EYS: variants seen among roughly 807,000 people sequenced by gnomAD.
EYS encodes the protein EGF-like photoreceptor maintenance factor, also known as protein eyes shut homolog.
In EYS, 250 loss-of-function variants were observed where a neutral mutation model predicts 282.1. The ratio of observed to expected loss-of-function variants is 0.89; its 90% CI spans 0.80 to 0.98. EYS has a LOEUF of 0.98. Ranked by LOEUF, EYS falls within the 50% of genes least tolerant of loss-of-function variation. EYS has a pLI of 0.00. For missense variants in EYS, 4,016 were observed against 3,709.0 expected, an observed-to-expected ratio of 1.08 and a Z score of -2.15; for synonymous variants, 1,355 against 1,282.9, an observed-to-expected ratio of 1.06 and a Z score of -1.20.
At chr6:65,543,664 A>G (rs9445558) in intron 2 of EYS, among the ~76,000 whole-genome samples, 4,264 of 152,098 alleles carry the variant, frequency 0.028, 194 homozygotes, top group African/African-American at 0.096. Flanking sequence ...ATGATTTAAA[A>G]CCATAGTCAG....
intron 36 of EYS, among the ~76,000 whole-genome samples, chr6:63,848,844 C>G (rs1772168936): frequency 6.6e-6 from 1 of 152,164 alleles, no homozygotes; most frequent in Admixed American, 6.5e-5. Flanking sequence ...ACTGTTCACT[C>G]CTCTGGAAAG....
At chr6:64,688,910 C>A (rs1231244043) in intron 22 of EYS, among the ~76,000 whole-genome samples, 3 of 151,788 alleles carry the variant, frequency 2.0e-5, no homozygotes, top group African/African-American at 7.3e-5. Context: ...AAAACTGGCA[C>A]AAGACAGTGA....
chr6:63,823,667 T>C (rs1348828828), intron 36 of EYS, among the ~76,000 whole-genome samples: 1 of 152,110 alleles, frequency 6.6e-6, no homozygotes, highest in East Asian at 1.9e-4. Context: ...CCAAGTTCTT[T>C]TATACTTTAT....
intron 33 of EYS, among the ~76,000 whole-genome samples, chr6:64,012,954 T>TCTGGGCATTGGAAGGACAATTTG (rs1768713159): frequency 6.6e-6 from 1 of 152,138 alleles, no homozygotes; most frequent in Admixed American, 6.5e-5. Flanking sequence ...CTCTAATAAG[T>TCTGGGCATTGGAAGGACAATTTG]GATTTTTCTG....
intron 31 of EYS, among the ~76,000 whole-genome samples, chr6:64,150,831 C>T (rs1454806643): frequency 6.6e-6 from 1 of 152,044 alleles, no homozygotes; most frequent in Non-Finnish European, 1.5e-5. Context: ...AAGTTGAAAG[C>T]TAAAAGAATA....
At chr6:63,800,679 C>G (rs553028509) in intron 37 of EYS, among the ~76,000 whole-genome samples, 1 of 152,224 alleles carries the variant, frequency 6.6e-6, no homozygotes, top group African/African-American at 2.4e-5. Context: ...GTGGTGGGTG[C>G]CTGTAATCCC....
intron 14 of EYS, among the ~76,000 whole-genome samples, chr6:64,955,070 C>T (rs963439190): frequency 2.6e-5 from 4 of 152,056 alleles, no homozygotes; most frequent in Non-Finnish European, 4.4e-5. Context: ...GTCCCAGCTA[C>T]TCAGGATGCT....
intron 26 of EYS, among the ~76,000 whole-genome samples, chr6:64,567,223 G>A (rs544436670): frequency 5.3e-5 from 8 of 151,630 alleles, no homozygotes; most frequent in Non-Finnish European, 1.2e-4. Flanking sequence ...CTCTCAATAC[G>A]GAGTGAGAGT....
chr6:65,461,723 T>G (rs1426642196), intron 5 of EYS, among the ~76,000 whole-genome samples: 1 of 152,116 alleles, frequency 6.6e-6, no homozygotes, highest in Non-Finnish European at 1.5e-5. Flanking sequence ...CGTTAAAATA[T>G]TTTATATCAC....
intron 22 of EYS, among the ~76,000 whole-genome samples, chr6:64,700,728 T>C (rs1770755884): frequency 6.6e-6 from 1 of 151,952 alleles, no homozygotes; most frequent in Non-Finnish European, 1.5e-5. Context: ...CATAGATGAT[T>C]CAAACAAATG....
chr6:65,506,460 C>CTTTTTTT lies in EYS; in HGVS notation c.-332-10474_-332-10468dup, dbSNP rs58326040. On this transcript the variant is annotated intron_variant, in intron 2 of 42. Coordinates refer to ENST00000503581, the MANE Select transcript of EYS (RefSeq NM_001142800.2). The stretch of plus-strand genomic sequence containing the variant: ...GGTTTACAATATCCTTCCTTCCTTT[C>CTTTTTTT]TTTTTTTTTTTTTTTTTTTTTTTTT... Among the ~76,000 whole-genome samples the CTTTTTTT allele has an allele frequency of 4.3e-3, 276 of 64,886 alleles. 23 individuals carry two copies. The highest frequency in any genetic ancestry group is 5.3e-3 in the Non-Finnish European group (189 of 35,804). 42.6% of individuals were successfully genotyped at this position (64,886 alleles called of 152,430 possible).
At chr6:64,703,418 T>C (rs1440592483) in intron 22 of EYS, among the ~76,000 whole-genome samples, 14 of 23,756 alleles carry the variant, frequency 5.9e-4, no homozygotes, top group East Asian at 1.7e-3. Flanking sequence ...CACATATATA[T>C]ATATATATAT....
chr6:64,846,900 G>C (rs1428093291), intron 19 of EYS, among the ~76,000 whole-genome samples: 1 of 152,050 alleles, frequency 6.6e-6, no homozygotes, highest in African/African-American at 2.4e-5. Flanking sequence ...CTGGACCTCA[G>C]GGTGTTTAAA....
chr6:64,213,525 T>C (rs75400149), intron 31 of EYS, among the ~76,000 whole-genome samples: 2,036 of 152,274 alleles, frequency 0.013, 14 homozygotes, highest in Non-Finnish European at 0.022. Flanking sequence ...TGTCAATTAA[T>C]GTAAAAATTA....
intron 5 of EYS, among the ~76,000 whole-genome samples, chr6:65,455,078 T>C (rs773477823): frequency 2.0e-5 from 3 of 152,154 alleles, no homozygotes; most frequent in Non-Finnish European, 4.4e-5. Context: ...AATAAATGCA[T>C]AGGTTGCTTA....
intron 1 of EYS, among the ~76,000 whole-genome samples, chr6:65,681,328 C>T (rs1768807178): frequency 6.6e-6 from 1 of 151,974 alleles, no homozygotes; most frequent in African/African-American, 2.4e-5. Context: ...TATGAAAAGA[C>T]TTTGGAGATT....
At chr6:65,061,445 C>T (rs1773570647) in intron 12 of EYS, among the ~76,000 whole-genome samples, 1 of 151,780 alleles carries the variant, frequency 6.6e-6, no homozygotes, top group Non-Finnish European at 1.5e-5. Flanking sequence ...CAAAGATTTC[C>T]CATATACTCA....
rs13205168 is a variant in EYS, at chr6:64,525,654, T to A, written c.5644+64569A>T. ...TTTACCTATACAACAAACCTGCAAGTATACTCCTGAACCTAAATTAAAAGC... is the reference window on the plus strand; with the variant it reads ...TTTACCTATACAACAAACCTGCAAGAATACTCCTGAACCTAAATTAAAAGC... On this transcript the variant is annotated intron_variant, in intron 26 of 42. Transcript: ENST00000503581. 3.1e-3 allele frequency among the ~76,000 whole-genome samples: 466 copies of A among 151,690 alleles called. 3 individuals are homozygous for A. The highest frequency in any genetic ancestry group is 6.8e-3 in the Middle Eastern group (2 of 294).
rs1016707506 is a variant in EYS at position 65,335,280 on chromosome 6, T to A, written c.1600-134A>T. 12 of 722,166 alleles carry A rather than the reference T, an allele frequency of 1.7e-5. No individual in the cohort carries two copies. In the African/African-American group the frequency reaches 1.9e-4, roughly 12 times the overall value. The allele number at this position is 722,166 out of a possible 1,614,324, so 44.7% of individuals were successfully genotyped here. On this transcript the variant is annotated intron_variant, in intron 10 of 42. Coordinates refer to ENST00000503581, the MANE Select transcript of EYS (RefSeq NM_001142800.2). ...AACCTAGGGTTAAGGAAACAGAAGG[T>A]AACTATTGGACAAGGGTTCAAAGCT...
Sources: gnomAD v4.1 joint callset for allele counts (sites outside exome capture counted in the v4.1 genomes callset) on GRCh38, gnomAD v4.1.1 for gene constraint, MANE v1.5 for transcripts, NCBI Gene and HGNC (gene_info 2026-07-23, HGNC 2026-07-21) for gene names.